Variants in TMEM94 observed in about 807,000 individuals in gnomAD.
TMEM94 encodes ER Mg2+ ATPase.
A neutral mutation model predicts 158.6 loss-of-function variants in TMEM94; 81 were observed. The ratio of observed to expected loss-of-function variants is 0.51; its 90% CI spans 0.43 to 0.61. TMEM94 has a LOEUF of 0.61. TMEM94 is among the 20% of genes least tolerant of loss of function. The probability of loss-of-function intolerance (pLI) is 0.00; values close to 1 mark genes in which losing one functional copy is unlikely to be tolerated. For missense variants in TMEM94, 1,435 were observed against 1,762.0 expected, an observed-to-expected ratio of 0.81 and a Z score of 3.32; for synonymous variants, 751 against 730.7, an observed-to-expected ratio of 1.03 and a Z score of -0.45.
At chr17:75,465,679 A>ATATATATATATATATATTT (rs1247855961) in intron 1 of TMEM94, among the ~76,000 whole-genome samples, 2 of 124,818 alleles carry the variant, frequency 1.6e-5, no homozygotes, top group African/African-American at 7.0e-5. Flanking sequence ...ATATATATAT[A>ATATATATATATATATATTT]TTTTTTTTTA....
chr17:75,458,640 G>A (rs1312222394), intron 1 of TMEM94, among the ~76,000 whole-genome samples: 1 of 151,064 alleles, frequency 6.6e-6, no homozygotes, highest in Non-Finnish European at 1.5e-5. Context: ...GCAGTGAGCT[G>A]TGATCATGCC....
chr17:75,491,765 C>G lies in TMEM94; in HGVS notation c.1461C>G (p.Gly487=), dbSNP rs542663050. The G allele has an allele frequency of 1.2e-6, 2 of 1,614,072 alleles. No homozygotes were observed. Among genetic ancestry groups the G allele is most frequent in the Non-Finnish European group, 1.7e-6 (2 of 1,180,036 alleles). Residue 487 remains glycine, a synonymous_variant, in exon 14 of 32, where the codon GGC becomes GGG. Transcript: ENST00000314256. This position sits in a 1 kb window ranked among gnomAD's most constrained non-coding sequence, Gnocchi z 5.1. ...TLHLSNEQER[G]DWPGEAPKPP... ...ACCTTTCCAATGAGCAGGAGCGTGG[C>G]GACTGGCCTGGCGAGGCTCCCAAGC...
Position 75,496,449 on chromosome 17 carries a change from G to C in TMEM94, c.3221G>C (p.Ser1074Thr). The C allele has an allele frequency of 6.2e-7, 1 of 1,612,940 alleles. No homozygotes were observed. Among genetic ancestry groups the C allele is most frequent in the South Asian group, 1.1e-5 (1 of 91,072 alleles). ...SLTFRQEETI[S>T]IIRLIEQARH... The stretch of plus-strand genomic sequence containing the variant: ...ACCTTTCGCCAGGAGGAGACCATCA[G>C]CATCATCCGGCTTATCGAACAGGTG... Residue 1074 changes from serine (S) to threonine (T), a missense_variant, in exon 24 of 32, where the codon AGC (serine) becomes ACC (threonine). Physicochemically the swap from Ser to Thr is moderately conservative, Grantham distance 58 (BLOSUM62 1). Transcript: ENST00000314256.
rs997661522 is a variant in TMEM94, at chr17:75,495,552, G to A, written c.2853G>A (p.Leu951=). The change falls in exon 22 of 32, where the codon CTG becomes CTA. Residue 951 remains leucine, a synonymous_variant. Coordinates refer to ENST00000314256, the MANE Select transcript of TMEM94 (RefSeq NM_014738.6). The surrounding 1 kb of genome is among the most constrained non-coding windows in gnomAD (Gnocchi z 5.6). ...ATCTCTGCTTTCTCCAGGCCAAGCT[G>A]CCCCGGGGTATCCACCAAGTGCGGC... ...SFLEDSNRAK[L]PRGIHQVRPH... is the part of the protein sequence containing the mutation. 1 of 1,613,506 alleles carries A rather than the reference G, an allele frequency of 6.2e-7. No homozygotes were observed.
chr17:75,497,029 C>T, intron 25 of TMEM94, 84 bp from the exon 26 acceptor site: 1 of 1,256,712 alleles, frequency 8.0e-7, no homozygotes, highest in Non-Finnish European at 1.2e-6. Flanking sequence ...CTATCTGGGC[C>T]CAGGGCAAGG....
Position 75,488,102 on chromosome 17 carries a change from C to T in TMEM94, c.580C>T (p.Gln194Ter). Residue 194 changes from glutamine to a stop codon, truncating the protein, a stop_gained, in exon 6 of 32, where the codon CAG becomes TAG. Coordinates refer to ENST00000314256, the MANE Select transcript of TMEM94 (RefSeq NM_014738.6). LOFTEE classifies it high-confidence loss of function. ...AGACATCATAGCTTTGAGGCCTGGC[C>T]AGGAATCGTTTGCTTCTCTGAGGGG... Reference protein sequence around the residue: ...EGDIIALRPGQESFASLRGIK... With the variant: ...EGDIIALRPG 1 of 1,614,206 alleles carries T rather than the reference C, an allele frequency of 6.2e-7. No homozygotes were observed.
At chr17:75,473,814 G>A (rs2050578900) in intron 2 of TMEM94, among the ~76,000 whole-genome samples, 1 of 152,134 alleles carries the variant, frequency 6.6e-6, no homozygotes, top group South Asian at 2.1e-4. Context: ...GTCTAGTAGA[G>A]GAATTGATAG....
rs1225874048 is a variant in TMEM94, at chr17:75,489,406, G to A, written c.867+38G>A. The A allele has an allele frequency of 1.0e-5, 16 of 1,596,698 alleles. No individual in the cohort carries two copies. In the South Asian group the frequency reaches 1.5e-4, roughly 15 times the overall value. On this transcript the variant is annotated intron_variant, in intron 8 of 31. Coordinates refer to ENST00000314256, the MANE Select transcript of TMEM94 (RefSeq NM_014738.6). The surrounding 1 kb of genome is among the most constrained non-coding windows in gnomAD (Gnocchi z 5.0). Reference sequence around the variant, plus strand: ...GGGCTGTGCGGGGCTGCATGGGGCAGAGGAGAGGGCTGGACACGGGGGGGT... The same window carrying A: ...GGGCTGTGCGGGGCTGCATGGGGCAAAGGAGAGGGCTGGACACGGGGGGGT...
At position 75,489,116 on chromosome 17, in the gene TMEM94, G is replaced by A. The variant is rs1343994342; in HGVS notation, c.765-150G>A. 4 of 907,198 alleles carry A rather than the reference G, an allele frequency of 4.4e-6. No homozygotes were observed. The highest frequency in any genetic ancestry group is 6.8e-6 in the Non-Finnish European group (4 of 586,834). 56.2% of individuals were successfully genotyped at this position (907,198 alleles called of 1,614,324 possible). ...ACTCTGAGGGGACAGCTCTGGAGGT[G>A]AACACGGGCTAGGGCCAGGGCAGAG... On this transcript the variant is annotated intron_variant, in intron 7 of 31. Coordinates refer to ENST00000314256, the MANE Select transcript of TMEM94 (RefSeq NM_014738.6). This position sits in a 1 kb window ranked among gnomAD's most constrained non-coding sequence, Gnocchi z 5.0.
At position 75,494,646 on chromosome 17, in the gene TMEM94, G is replaced by A. The variant is rs1279683022; in HGVS notation, c.2427G>A (p.Leu809=). ...WSSDEGIGEV[L]EKEDCMQALS... Reference sequence around the variant, plus strand: ...CTGAAGAAGGGATCGGGGAGGTGCTGGAGAAGGAAGACTGCATGCAGGCCC... The same window carrying A: ...CTGAAGAAGGGATCGGGGAGGTGCTAGAGAAGGAAGACTGCATGCAGGCCC... The change falls in exon 19 of 32, where the codon CTG becomes CTA. Residue 809 remains leucine, a synonymous_variant. Transcript: ENST00000314256. 4 of 1,613,658 alleles carry A rather than the reference G, an allele frequency of 2.5e-6. No homozygotes were observed. Among genetic ancestry groups the A allele is most frequent in the South Asian group, 1.1e-5 (1 of 91,082 alleles).
chr17:75,471,749 G>A, intron 1 of TMEM94, 51 bp from the exon 2 acceptor site: 2 of 682,780 alleles, frequency 2.9e-6, no homozygotes, highest in Non-Finnish European at 5.1e-6. Context: ...GTGTTTCACA[G>A]TAGCTGCCTG....
At position 75,488,877 on chromosome 17, in the gene TMEM94, G is replaced by A. The variant is rs377732019; in HGVS notation, c.731G>A (p.Arg244His). ...PQSPQQHRLF[R>H]VLETPVIDNI... ...AGCCCCCAGCAGCACCGGCTTTTCC[G>A]TGTCCTTGAGACCCCTGTGATTGAC... Residue 244 changes from arginine (R) to histidine (H), a missense_variant, in exon 7 of 32, where the codon CGT (arginine) becomes CAT (histidine). Coordinates refer to ENST00000314256, the MANE Select transcript of TMEM94 (RefSeq NM_014738.6). 2.1e-5 allele frequency: 33 copies of A among 1,609,066 alleles called. No homozygotes were observed. The highest frequency in any genetic ancestry group is 1.1e-4 in the African/African-American group (8 of 74,838).
At chr17:75,471,111 C>T (rs377269270) in intron 1 of TMEM94, among the ~76,000 whole-genome samples, 2 of 151,200 alleles carry the variant, frequency 1.3e-5, no homozygotes, top group African/African-American at 2.4e-5. Context: ...GTGGCAAGTG[C>T]CTGTGATCCC....
Position 75,498,355 on chromosome 17 carries a change from C to T in TMEM94, c.3638+32C>T, listed in dbSNP as rs199969241. The T allele has an allele frequency of 5.8e-5, 94 of 1,612,656 alleles. 1 individual carries two copies. Among genetic ancestry groups the T allele is most frequent in the East Asian group, 5.3e-4 (24 of 44,870 alleles). On this transcript the variant is annotated intron_variant, in intron 28 of 31. Transcript: ENST00000314256. This position sits in a 1 kb window ranked among gnomAD's most constrained non-coding sequence, Gnocchi z 6.7. ...CCCAGCCCCAGAGATCCACCCATCG[C>T]CTGCCTCGCCTCGAGGCTTCCTCCC...
chr17:75,463,905 C>T (rs1178601754), intron 1 of TMEM94, among the ~76,000 whole-genome samples: 1 of 152,174 alleles, frequency 6.6e-6, no homozygotes, highest in Admixed American at 6.5e-5. Context: ...AAACTTCCCT[C>T]CAGCTTAACA....
rs532242850 is a variant in TMEM94, at chr17:75,478,707, C to T, written c.25-6721C>T. On this transcript the variant is annotated intron_variant, in intron 2 of 31. Coordinates refer to ENST00000314256, the MANE Select transcript of TMEM94 (RefSeq NM_014738.6). ...TCCCGAGTCAGGACTTCCTTAGAGC[C>T]GTGTTATTTTCTCCTCTTGCTCCAG... Among the ~76,000 whole-genome samples, 42 of 152,306 alleles carry T rather than the reference C, an allele frequency of 2.8e-4. 1 individual carries two copies. The East Asian group carries it at 7.9e-3, about 29-fold the overall frequency.
rs895621181 is a variant in TMEM94 at position 75,456,765 on chromosome 17, G to A, written c.-107+14G>A. 6.6e-6 allele frequency: 1 copy of A among 152,262 alleles called. No homozygotes were observed. The highest frequency in any genetic ancestry group is 6.6e-5 in the Admixed American group (1 of 15,256). 9.4% of individuals were successfully genotyped at this position (152,262 alleles called of 1,614,324 possible). Reference sequence around the variant, plus strand: ...CCCGGGGCCCCGGTAAGTACGAGAAGGCCCGTGGCCCGAAAGTGGGGAGCA... The same window carrying A: ...CCCGGGGCCCCGGTAAGTACGAGAAAGCCCGTGGCCCGAAAGTGGGGAGCA... On this transcript the variant is annotated intron_variant, in intron 1 of 31. Transcript: ENST00000314256.
At chr17:75,477,875 G>A (rs1439595666) in intron 2 of TMEM94, among the ~76,000 whole-genome samples, 1 of 151,398 alleles carries the variant, frequency 6.6e-6, no homozygotes, top group African/African-American at 2.4e-5. Flanking sequence ...CAGGCATGGT[G>A]GCGCATGCCT....
chr17:75,461,786 C>G (rs939490964), intron 1 of TMEM94, among the ~76,000 whole-genome samples: 1 of 149,494 alleles, frequency 6.7e-6, no homozygotes, highest in Non-Finnish European at 1.5e-5. Flanking sequence ...TGGTGGCGGG[C>G]GCCTGCAGTC....
Sources: allele counts gnomAD v4.1 joint callset (sites outside exome capture counted in the v4.1 genomes callset), GRCh38; gene constraint gnomAD v4.1.1; non-coding constraint Gnocchi (gnomAD v3.1); transcripts MANE v1.5; gene names NCBI Gene and HGNC (gene_info 2026-07-23, HGNC 2026-07-21).